The following NRXN1 variants were observed in gnomAD, a reference collection of about 807,000 sequenced individuals.
The protein encoded by NRXN1 is neurexin-1.
Under a neutral mutation model 150.9 loss-of-function variants are expected in NRXN1, and 39 were observed. That is an observed-to-expected ratio of 0.26 (90% confidence interval 0.20 to 0.34). NRXN1 has a LOEUF of 0.34. NRXN1 is among the 10% of genes least tolerant of loss of function. The probability of loss-of-function intolerance (pLI) is 1.00; values close to 1 mark genes in which losing one functional copy is unlikely to be tolerated. For synonymous variants in NRXN1, 924 were observed against 757.0 expected, an observed-to-expected ratio of 1.22 and a Z score of -3.62; for missense variants, 1,815 against 1,949.9, an observed-to-expected ratio of 0.93 and a Z score of 1.30.
intron 12 of NRXN1, among the ~76,000 whole-genome samples, chr2:50,523,012 G>A (rs1004561218): frequency 6.6e-6 from 1 of 152,008 alleles, no homozygotes; most frequent in African/African-American, 2.4e-5. Context: ...TGGGATTACA[G>A]GCGTGAGCCA....
intron 17 of NRXN1, among the ~76,000 whole-genome samples, chr2:50,239,710 A>ATATG (rs2065831741): frequency 1.1e-5 from 1 of 93,644 alleles, no homozygotes; most frequent in Non-Finnish European, 2.2e-5. Flanking sequence ...ATATATATAT[A>ATATG]TATATTTATG....
At chr2:50,424,983 G>A (rs893415249) in intron 17 of NRXN1, among the ~76,000 whole-genome samples, 2 of 152,122 alleles carry the variant, frequency 1.3e-5, no homozygotes, top group Admixed American at 6.5e-5. Flanking sequence ...TTGAAGTAAA[G>A]CTTCTCAACT....
intron 17 of NRXN1, among the ~76,000 whole-genome samples, chr2:50,383,579 C>T (rs116729784): frequency 6.6e-6 from 1 of 152,126 alleles, no homozygotes; most frequent in African/African-American, 2.4e-5. Context: ...GGATTCCCTT[C>T]AATTGTGCAT....
At chr2:50,729,796 T>A (rs1697861816) in intron 5 of NRXN1, among the ~76,000 whole-genome samples, 1 of 152,194 alleles carries the variant, frequency 6.6e-6, no homozygotes, top group Non-Finnish European at 1.5e-5. Flanking sequence ...TCAGCTCATC[T>A]GTCTGCTTCA....
At chr2:50,674,487 A>G (rs1476273298) in intron 5 of NRXN1, among the ~76,000 whole-genome samples, 1 of 152,108 alleles carries the variant, frequency 6.6e-6, no homozygotes, top group Non-Finnish European at 1.5e-5. Context: ...GCATAATCTC[A>G]TTGGAAGCTT....
intron 10 of NRXN1, among the ~76,000 whole-genome samples, chr2:50,535,082 C>T (rs2093220950): frequency 6.6e-6 from 1 of 152,130 alleles, no homozygotes; most frequent in Non-Finnish European, 1.5e-5. Flanking sequence ...TAAACGATTC[C>T]TCACAATTAG....
chr2:50,599,628 A>G (rs930778046), intron 8 of NRXN1, among the ~76,000 whole-genome samples: 2 of 152,232 alleles, frequency 1.3e-5, no homozygotes, highest in Non-Finnish European at 2.9e-5. Context: ...GCTTTACTGA[A>G]AATTATATAA....
At chr2:50,574,303 G>T (rs966740908) in intron 8 of NRXN1, among the ~76,000 whole-genome samples, 2 of 151,988 alleles carry the variant, frequency 1.3e-5, no homozygotes, top group African/African-American at 2.4e-5. Context: ...TGATTTAAGA[G>T]GATGTCGCTA....
intron 5 of NRXN1, chr2:50,917,996 G>A (rs997116838): frequency 7.9e-5 from 12 of 151,674 alleles, no homozygotes; most frequent in Non-Finnish European, 1.5e-4. Context: ...GGTAATATTA[G>A]ATATTACTCA....
At chr2:49,960,215 G>A (rs1675691349) in intron 21 of NRXN1, among the ~76,000 whole-genome samples, 2 of 152,140 alleles carry the variant, frequency 1.3e-5, no homozygotes, top group Admixed American at 1.3e-4. Context: ...GAGTTCATAC[G>A]TGGAGGTTCA....
chr2:50,530,653 G>A (rs555254106), intron 11 of NRXN1, among the ~76,000 whole-genome samples: 5 of 152,174 alleles, frequency 3.3e-5, no homozygotes, highest in East Asian at 1.9e-4. Context: ...GCTAAGGGCC[G>A]CAGACTTTGG....
chr2:50,106,446 T>G (rs952900672), intron 18 of NRXN1, among the ~76,000 whole-genome samples: 3 of 152,018 alleles, frequency 2.0e-5, no homozygotes, highest in African/African-American at 7.2e-5. Context: ...GAGAAGAATA[T>G]TTAATATCAG....
chr2:50,362,051 C>G (rs1365666335), intron 17 of NRXN1, among the ~76,000 whole-genome samples: 3 of 150,936 alleles, frequency 2.0e-5, no homozygotes, highest in Non-Finnish European at 2.9e-5. Context: ...ATTCAACAGC[C>G]CTTCATGCTA....
rs112616018 is a variant in NRXN1 at position 50,752,561 on chromosome 2, CCTTACCCATG to C, written c.833-128956_833-128947del. Among the ~76,000 whole-genome samples the C allele has an allele frequency of 1.6e-4, 25 of 151,986 alleles. 1 individual carries two copies. The highest frequency in any genetic ancestry group is 6.0e-4 in the African/African-American group (25 of 41,512). On this transcript the variant is annotated intron_variant, in intron 5 of 22. Coordinates refer to ENST00000401669, the MANE Select transcript of NRXN1 (RefSeq NM_001330078.2). ...TTGTATGGCTAATCAGAATTCCCATCCTTACCCATGCTCTGAAAAGAACCTAAAATTTCTA... is the reference window on the plus strand; with the variant it reads ...TTGTATGGCTAATCAGAATTCCCATCCTCTGAAAAGAACCTAAAATTTCTA...
At chr2:50,529,553 T>G (rs1352698826) in intron 11 of NRXN1, among the ~76,000 whole-genome samples, 4 of 152,210 alleles carry the variant, frequency 2.6e-5, no homozygotes, top group Non-Finnish European at 5.9e-5. Flanking sequence ...TTGGGTTTTA[T>G]TATTTAATGC....
chr2:50,810,252 T>C (rs1668029961), intron 5 of NRXN1, among the ~76,000 whole-genome samples: 1 of 152,200 alleles, frequency 6.6e-6, no homozygotes, highest in African/African-American at 2.4e-5. Context: ...AGCCACGAAC[T>C]ACCATTGGAT....
rs557404507 is a variant in NRXN1, at chr2:50,905,954, G to A, written c.832+15915C>T. On this transcript the variant is annotated intron_variant, in intron 5 of 22. Coordinates refer to ENST00000401669, the MANE Select transcript of NRXN1 (RefSeq NM_001330078.2). ...TTTAGACAGTCTATTAAATGTTTAA[G>A]CAAGGCACTAGACTAAGTTTATTAA... is the stretch of plus-strand genomic sequence containing the variant. Among the ~76,000 whole-genome samples, 4 of 152,170 alleles carry A rather than the reference G, an allele frequency of 2.6e-5. No homozygotes were observed. The Middle Eastern group carries it at 0.014, about 518-fold the overall frequency.
At chr2:50,536,434 T>A (rs937043326) in intron 10 of NRXN1, among the ~76,000 whole-genome samples, 6 of 152,248 alleles carry the variant, frequency 3.9e-5, no homozygotes, top group Non-Finnish European at 8.8e-5. Context: ...TTCTAATCAT[T>A]GCAATATATA....
At position 50,683,646 on chromosome 2, in the gene NRXN1, A is replaced by AAAAAAAAAAAATATATAT; in HGVS notation, c.833-60032_833-60031insATATATATTTTTTTTTTT. On this transcript the variant is annotated intron_variant, in intron 5 of 22. Coordinates refer to ENST00000401669, the MANE Select transcript of NRXN1 (RefSeq NM_001330078.2). ...GACTCCGTCTCAAAAAAAAAAAAAA[A>AAAAAAAAAAAATATATAT]ATATATATATATATATATATGTTAT... 6.3e-3 allele frequency among the ~76,000 whole-genome samples: 93 copies of AAAAAAAAAAAATATATAT among 14,868 alleles called. 10 individuals are homozygous for AAAAAAAAAAAATATATAT. The highest frequency in any genetic ancestry group is 0.01 in the African/African-American group (29 of 2,774). The allele number at this position is 14,868 out of a possible 152,430, so 9.8% of individuals were successfully genotyped here. A position where few individuals can be genotyped will look rare whatever the true frequency, so the allele number is the denominator to read the frequency against.
Sources: allele counts gnomAD v4.1 joint callset (sites outside exome capture counted in the v4.1 genomes callset), GRCh38; gene constraint gnomAD v4.1.1; transcripts MANE v1.5; gene names NCBI Gene and HGNC (gene_info 2026-07-23, HGNC 2026-07-21).